PER1: variants seen among roughly 807,000 people sequenced by gnomAD.
PER1 encodes the protein period circadian protein homolog 1.
Under a neutral mutation model 125.9 loss-of-function variants are expected in PER1, and 87 were observed. The ratio of observed to expected loss-of-function variants is 0.69; its 90% CI spans 0.58 to 0.83. The LOEUF (loss-of-function observed/expected upper bound fraction) is 0.83. Among genes scored for constraint, PER1 ranks in the 40% least tolerant of loss-of-function variants. PER1 has a pLI of 0.00. For missense variants in PER1, 1,775 were observed against 1,722.8 expected, an observed-to-expected ratio of 1.03 and a Z score of -0.54; for synonymous variants, 801 against 714.7, an observed-to-expected ratio of 1.12 and a Z score of -1.93.
intron 18 of PER1, 152 bp from the exon 19 acceptor site, chr17:8,144,028 G>A (rs1982268121): frequency 1.6e-6 from 2 of 1,215,350 alleles, no homozygotes; most frequent in Non-Finnish European, 2.2e-6. Context: ...TCAGGAGGTG[G>A]GGCACCTTCA....
intron 18 of PER1, 108 bp from the exon 19 acceptor site, chr17:8,143,984 G>A: frequency 3.4e-6 from 5 of 1,466,182 alleles, no homozygotes; most frequent in South Asian, 2.8e-5. Flanking sequence ...CAAGGTCCCA[G>A]AGAGAGCTTC....
chr17:8,143,535 G>C lies in PER1; in HGVS notation c.2803C>G (p.Pro935Ala). 1 of 1,516,214 alleles carries C rather than the reference G, an allele frequency of 6.6e-7. No individual in the cohort carries two copies. The highest frequency in any genetic ancestry group is 8.9e-7 in the Non-Finnish European group (1 of 1,127,794). The allele number at this position is 1,516,214 out of a possible 1,614,324, so 93.9% of individuals were successfully genotyped here. Residue 935 changes from proline to alanine, a missense_variant, in exon 19 of 23, where the codon CCT (proline) becomes GCT (alanine). By Grantham distance (27) the Pro-to-Ala change is conservative. Transcript: ENST00000317276. ...NYLFPTPSSY[P>A]YGALQTPAEG... Reference sequence around the variant, plus strand: ...GCAGGGGTCTGGAGTGCCCCATAAGGATAGCTGGATGGGGTTGGGAACAGA... The same window carrying C: ...GCAGGGGTCTGGAGTGCCCCATAAGCATAGCTGGATGGGGTTGGGAACAGA...
rs1982169715 is a variant in PER1 at position 8,142,839 on chromosome 17, G to A, written c.3073-4C>T. ...TGGAGGACTCAGTGACCTCCGCCTGGAGGAGGGGAGGGGGGCAAGGAGGGA... is the reference window on the plus strand; with the variant it reads ...TGGAGGACTCAGTGACCTCCGCCTGAAGGAGGGGAGGGGGGCAAGGAGGGA... On this transcript the variant is annotated splice_region_variant and splice_polypyrimidine_tract_variant and intron_variant, in intron 19 of 22. Transcript: ENST00000317276. The A allele has an allele frequency of 6.3e-7, 1 of 1,588,708 alleles. No individual in the cohort carries two copies. Among genetic ancestry groups the A allele is most frequent in the Non-Finnish European group, 8.5e-7 (1 of 1,170,542 alleles).
chr17:8,146,141 T>C lies in PER1; in HGVS notation c.2039-4A>G. On this transcript the variant is annotated splice_region_variant and splice_polypyrimidine_tract_variant and intron_variant, in intron 16 of 22. Coordinates refer to ENST00000317276, the MANE Select transcript of PER1 (RefSeq NM_002616.3). ...GACAGCGCTGCTGACGGCGGATCTGTGCAGAGAGATGGTGCCAGTTACCAT... is the reference window on the plus strand; with the variant it reads ...GACAGCGCTGCTGACGGCGGATCTGCGCAGAGAGATGGTGCCAGTTACCAT... 2.5e-6 allele frequency: 4 copies of C among 1,584,208 alleles called. No homozygotes were observed. Among genetic ancestry groups the C allele is most frequent in the Non-Finnish European group, 3.4e-6 (4 of 1,165,140 alleles).
rs764755417 is a variant in PER1 at position 8,146,901 on chromosome 17, G to C, written c.1731C>G (p.Leu577=). ...CACACATCATCATCAACTCACCAGG[G>C]AGGCGGGGCCGGGACTGAGGCCGGG... The part of the protein sequence containing the change: ...SRARPQSRPR[L]PATGTFKAKA... Residue 577 remains leucine (L), a synonymous_variant, in exon 14 of 23, where the codon CTC becomes CTG. Coordinates refer to ENST00000317276, the MANE Select transcript of PER1 (RefSeq NM_002616.3). 6.8e-6 allele frequency: 11 copies of C among 1,613,832 alleles called. No homozygotes were observed. The highest frequency in any genetic ancestry group is 9.3e-6 in the Non-Finnish European group (11 of 1,179,850).
At chr17:8,143,949 C>T in intron 18 of PER1, 73 bp from the exon 19 acceptor site, 4 of 1,520,392 alleles carry the variant, frequency 2.6e-6, no homozygotes, top group Admixed American at 1.9e-5. Context: ...ACTGCCCTGA[C>T]ACGCTGACCA....
At position 8,141,021 on chromosome 17, in the gene PER1, A is replaced by G; in HGVS notation, c.*47T>C. On this transcript the variant is annotated 3_prime_UTR_variant, in exon 23 of 23. Transcript: ENST00000317276. The stretch of plus-strand genomic sequence containing the variant: ...TGAGTTCTGAGAATTGGGACATAGG[A>G]GAAGAAAGCCTCTCATGGACTCCTG... 1 of 1,560,284 alleles carries G rather than the reference A, an allele frequency of 6.4e-7. No homozygotes were observed. The highest frequency in any genetic ancestry group is 8.7e-7 in the Non-Finnish European group (1 of 1,148,814).
intron 17 of PER1, 126 bp from the exon 18 acceptor site, chr17:8,145,119 C>T (rs1402917739): frequency 1.7e-5 from 18 of 1,061,778 alleles, no homozygotes; most frequent in African/African-American, 4.9e-5. Flanking sequence ...CAAGCCTGGT[C>T]TCCATGTACG....
At chr17:8,147,958 A>G (rs1266368658) in intron 10 of PER1, 39 bp downstream of exon 10, 1 of 1,592,954 alleles carries the variant, frequency 6.3e-7, no homozygotes, top group South Asian at 1.1e-5. Flanking sequence ...TCAAAAGCCC[A>G]GGACAGTGGG....
At chr17:8,147,090 T>TG in intron 13 of PER1, 88 bp from the exon 14 acceptor site, 1 of 1,388,982 alleles carries the variant, frequency 7.2e-7, no homozygotes, top group Non-Finnish European at 1.0e-6. Context: ...AAGGTACCAG[T>TG]GGGGAGGCAC....
rs1288023310 is a variant in PER1, at chr17:8,150,017, G to A, written c.483C>T (p.Thr161=). ...CCAGTGCGTACTGCAGCGTGGCCAG[G>A]GTCCCAGAGCGGCCCTTGCCCCGGC... ...PERRGKGRSG[T]LATLQYALAC... is the part of the protein sequence containing the mutation. Residue 161 remains threonine, a synonymous_variant, in exon 4 of 23, where the codon ACC becomes ACT. Transcript: ENST00000317276. The A allele has an allele frequency of 6.2e-7, 1 of 1,614,150 alleles. No homozygotes were observed. The highest frequency in any genetic ancestry group is 8.5e-7 in the Non-Finnish European group (1 of 1,180,030).
rs762768784 is a variant in PER1 at position 8,147,396 on chromosome 17, G to A, written c.1498-15C>T. ...CTGTGGACGGGCTGCAGCAGGGAGA[G>A]GGCAGGTTAGATGGCTTGACCCGGC... On this transcript the variant is annotated splice_polypyrimidine_tract_variant and intron_variant, in intron 12 of 22. Coordinates refer to ENST00000317276, the MANE Select transcript of PER1 (RefSeq NM_002616.3). 20 of 1,613,636 alleles carry A rather than the reference G, an allele frequency of 1.2e-5. No homozygotes were observed. Among genetic ancestry groups the A allele is most frequent in the Middle Eastern group, 1.6e-4 (1 of 6,062 alleles).
chr17:8,140,644 C>T lies in PER1; in HGVS notation c.*424G>A, dbSNP rs1373286588. 4.1e-6 allele frequency: 1 copy of T among 246,588 alleles called. No individual in the cohort carries two copies. Among genetic ancestry groups the T allele is most frequent in the Non-Finnish European group, 8.0e-6 (1 of 124,776 alleles). The allele number at this position is 246,588 out of a possible 1,614,324, so 15.3% of individuals were successfully genotyped here. ...CTCCAGAGCAGCTAGGGGCTGGAAC[C>T]CCCGGGTCCTGCTTGGGCCTCAGGC... On this transcript the variant is annotated 3_prime_UTR_variant, in exon 23 of 23. Coordinates refer to ENST00000317276, the MANE Select transcript of PER1 (RefSeq NM_002616.3).
chr17:8,146,329 G>A, intron 16 of PER1, 43 bp downstream of exon 16: 1 of 1,566,846 alleles, frequency 6.4e-7, no homozygotes, highest in Non-Finnish European at 8.7e-7. Context: ...AGGGCCACCA[G>A]GCCAGGACGG....
At position 8,149,670 on chromosome 17, in the gene PER1, G is replaced by C. The variant is rs766452832; in HGVS notation, c.652-7C>G. ...CAGCCACTGAGAAGGTATCCTGGCA[G>C]GAGGGGGAGAGCAAGAGCAGATTCA... On this transcript the variant is annotated splice_polypyrimidine_tract_variant and splice_region_variant and intron_variant, in intron 5 of 22. Transcript: ENST00000317276. The C allele has an allele frequency of 1.1e-5, 17 of 1,609,764 alleles. No homozygotes were observed. The highest frequency in any genetic ancestry group is 1.4e-5 in the Non-Finnish European group (17 of 1,176,304).
chr17:8,147,064 G>T lies in PER1; in HGVS notation c.1630-62C>A, dbSNP rs915122790. On this transcript the variant is annotated intron_variant, in intron 13 of 22. Transcript: ENST00000317276. ...GGTGTCGCCAGTGTCAGGGGCCAAG[G>T]GCACAATAAAACAAGAAGGTACCAG... The T allele has an allele frequency of 9.5e-6, 14 of 1,479,890 alleles. No homozygotes were observed. The Admixed American group carries it at 2.1e-4, about 22-fold the overall frequency. 91.7% of individuals were successfully genotyped at this position (1,479,890 alleles called of 1,614,324 possible). A position where few individuals can be genotyped will look rare whatever the true frequency, so the allele number is the denominator to read the frequency against.
At chr17:8,145,186 C>T in intron 17 of PER1, 193 bp from the exon 18 acceptor site, 1 of 455,922 alleles carries the variant, frequency 2.2e-6, no homozygotes, top group Non-Finnish European at 3.6e-6. Context: ...CCATGCAAAG[C>T]TGGCCCAGAA....
rs1982042330 is a variant in PER1, at chr17:8,140,954, G to A, written c.*114C>T. The A allele has an allele frequency of 8.1e-7, 1 of 1,236,686 alleles. No individual in the cohort carries two copies. Among genetic ancestry groups the A allele is most frequent in the Admixed American group, 2.2e-5 (1 of 45,170 alleles). The allele number at this position is 1,236,686 out of a possible 1,614,324, so 76.6% of individuals were successfully genotyped here. A position where few individuals can be genotyped will look rare whatever the true frequency, so the allele number is the denominator to read the frequency against. ...ATGGGGGTCCGGCCCCCTATGGTGGGAGAAGCTGGGGCAGTTTCCCACTGG... is the reference window on the plus strand; with the variant it reads ...ATGGGGGTCCGGCCCCCTATGGTGGAAGAAGCTGGGGCAGTTTCCCACTGG... On this transcript the variant is annotated 3_prime_UTR_variant, in exon 23 of 23. Transcript: ENST00000317276.
chr17:8,149,936 G>T, intron 4 of PER1, 35 bp downstream of exon 4: 1 of 1,613,932 alleles, frequency 6.2e-7, no homozygotes, highest in Non-Finnish European at 8.5e-7. Flanking sequence ...GGGAGCCCAG[G>T]CCCAGGCCAT....
Sources: allele counts gnomAD v4.1 joint callset, GRCh38; gene constraint gnomAD v4.1.1; transcripts MANE v1.5; gene names NCBI Gene and HGNC (gene_info 2026-07-23, HGNC 2026-07-21).